The following SMYD5 variants were observed in gnomAD, a reference collection of about 807,000 sequenced individuals.
SMYD5 encodes SMYD family member 5.
A neutral mutation model predicts 57.4 loss-of-function variants in SMYD5; 35 were observed. The ratio of observed to expected loss-of-function variants is 0.61; its 90% CI spans 0.47 to 0.81. The LOEUF is 0.81. SMYD5 is among the 30% of genes least tolerant of loss of function. The pLI is 0.00. For missense variants in SMYD5, 471 were observed against 527.9 expected (o/e 0.89, Z 1.06); for synonymous variants, 198 against 189.7 (o/e 1.04, Z -0.36).
At chr2:73,223,635 G>T in intron 9 of SMYD5, 103 bp downstream of exon 9, 1 of 834,358 alleles carries the variant, frequency 1.2e-6, no homozygotes, top group South Asian at 1.5e-5. Flanking sequence ...AATGGTGGGG[G>T]AAGGTAATCC....
At chr2:73,218,381 G>A (rs1686326959) in intron 1 of SMYD5, among the ~76,000 whole-genome samples, 1 of 152,178 alleles carries the variant, frequency 6.6e-6, no homozygotes, top group Non-Finnish European at 1.5e-5. Context: ...CAAGGAAGAA[G>A]GCACATTCTC....
intron 1 of SMYD5, chr2:73,214,713 AG>A (rs761202076): frequency 7.3e-7 from 1 of 1,361,662 alleles, no homozygotes; most frequent in South Asian, 1.2e-5. Flanking sequence ...GAGGTGTAAA[AG>A]AGGGAGTCCT....
At chr2:73,215,917 G>T (rs1251740089) in intron 1 of SMYD5, among the ~76,000 whole-genome samples, 1 of 150,578 alleles carries the variant, frequency 6.6e-6, no homozygotes, top group Non-Finnish European at 1.5e-5. Context: ...CCACATGAGG[G>T]TTATACTTGT....
chr2:73,225,707 A>G lies in SMYD5; in HGVS notation c.1106+6A>G, dbSNP rs762551397. The G allele has an allele frequency of 2.5e-6, 4 of 1,614,260 alleles. No individual in the cohort carries two copies. The Middle Eastern group carries it at 4.9e-4, about 200-fold the overall frequency. The stretch of plus-strand genomic sequence containing the variant: ...AGCCGCCACAAGATCCTCAGGTGCC[A>G]GCTGGGGACATGGTTGTGCAGCTGG... On this transcript the variant is annotated splice_donor_region_variant and intron_variant, in intron 12 of 12. Coordinates refer to ENST00000389501, the MANE Select transcript of SMYD5 (RefSeq NM_006062.3).
chr2:73,214,604 C>A, intron 1 of SMYD5: 1 of 1,507,608 alleles, frequency 6.6e-7, no homozygotes, highest in East Asian at 2.5e-5. Context: ...TTCGGCCAGC[C>A]CGCGGGAGGC....
chr2:73,221,874 A>G lies in SMYD5; in HGVS notation c.586A>G (p.Lys196Glu). ...WIRLFSQFCNKTANEEEEIVH... is the reference protein window; with the variant it reads ...WIRLFSQFCNETANEEEEIVH... ...CAGACTCTTTTCCCAGTTTTGTAAC[A>G]AAACAGCCAATGAAGAGGAGGAAAT... The change falls in exon 6 of 13, where the codon AAA (lysine) becomes GAA (glutamate). Residue 196 changes from lysine (K) to glutamate (E), a missense_variant. Lys to Glu is a moderately conservative substitution (Grantham distance 56, BLOSUM62 1). Transcript: ENST00000389501. The G allele has an allele frequency of 6.2e-7, 1 of 1,614,094 alleles. No individual in the cohort carries two copies. Among genetic ancestry groups the G allele is most frequent in the Non-Finnish European group, 8.5e-7 (1 of 1,179,916 alleles).
chr2:73,214,323 G>A lies in SMYD5; in HGVS notation c.57G>A (p.Ala19=). Reference sequence around the variant, plus strand: ...TCTGCGTGGGCGTGGCGGGCCGCGCGCGGGTCTCCGTGGAAGTCCGTTTCG... The same window carrying A: ...TCTGCGTGGGCGTGGCGGGCCGCGCACGGGTCTCCGTGGAAGTCCGTTTCG... ...FSFCVGVAGR[A]RVSVEVRFVS... is the part of the protein sequence containing the mutation. The change falls in exon 1 of 13, where the codon GCG becomes GCA. Residue 19 remains alanine (A), a synonymous_variant. Transcript: ENST00000389501. The A allele has an allele frequency of 6.2e-7, 1 of 1,613,492 alleles. No homozygotes were observed.
chr2:73,224,081 T>G (rs1314123161), intron 10 of SMYD5, 78 bp downstream of exon 10: 3 of 1,367,940 alleles, frequency 2.2e-6, no homozygotes, highest in Non-Finnish European at 3.1e-6. Flanking sequence ...CAGTTTATCT[T>G]TCTCAGTTGG....
At chr2:73,221,285 C>A in intron 5 of SMYD5, 51 bp downstream of exon 5, 1 of 1,480,954 alleles carries the variant, frequency 6.8e-7, no homozygotes, top group South Asian at 1.1e-5. Context: ...CCATTCAACC[C>A]TTGGTCTCAG....
chr2:73,225,857 G>A lies in SMYD5; in HGVS notation c.1168G>A (p.Val390Met). 1.2e-6 allele frequency: 2 copies of A among 1,614,216 alleles called. No homozygotes were observed. The highest frequency in any genetic ancestry group is 1.1e-5 in the South Asian group (1 of 91,084). Residue 390 changes from valine to methionine, a missense_variant, in exon 13 of 13, where the codon GTG becomes ATG. Transcript: ENST00000389501. ...CCTGGCAGAGGCTGATGAACCCAAT[G>A]TGACCTCAGAAGAGGAAGAGGAAGA... ...KCLAEADEPN[V>M]TSEEEEEEEE...
Position 73,224,870 on chromosome 2 carries a change from C to T in SMYD5, c.945C>T (p.Asn315=), listed in dbSNP as rs1193763036. The change falls in exon 11 of 13, where the codon AAC becomes AAT. Residue 315 remains asparagine (N), a synonymous_variant. Transcript: ENST00000389501. ...TACCTGCCTCTTATGATCCAGGCAA[C>T]CACAGTTGTGTGCCCAATGCAGAGA... ...SGLFVLQSCC[N]HSCVPNAETS... 5.6e-6 allele frequency: 9 copies of T among 1,612,766 alleles called. No individual in the cohort carries two copies. Among genetic ancestry groups the T allele is most frequent in the South Asian group, 1.1e-5 (1 of 90,972 alleles).
chr2:73,223,481 C>G lies in SMYD5; in HGVS notation c.832C>G (p.Arg278Gly). ...CACTCTGGAGTTGAAGCCTCAGGAC[C>G]GTGAGCAGCTTGACGCCTTCATTGA... ...CDTLELKPQD[R>G]EQLDAFIDQL... The change falls in exon 9 of 13, where the codon CGT becomes GGT. Residue 278 changes from arginine to glycine, a missense_variant. By Grantham distance (125) the Arg-to-Gly change is moderately radical. Transcript: ENST00000389501. 2.5e-6 allele frequency: 4 copies of G among 1,614,150 alleles called. No homozygotes were observed. The highest frequency in any genetic ancestry group is 3.4e-6 in the Non-Finnish European group (4 of 1,179,998).
chr2:73,218,573 G>C (rs753327532), intron 1 of SMYD5, among the ~76,000 whole-genome samples: 16 of 152,246 alleles, frequency 1.1e-4, no homozygotes, highest in Non-Finnish European at 1.8e-4. Context: ...TGGCCATACT[G>C]AGAAAAATTC....
chr2:73,220,050 GCCTGT>G lies in SMYD5; in HGVS notation c.206_210del (p.Ala69GlyfsTer5), dbSNP rs1449794905. ...TTGTTGTGTCTGGCTCTCACCGTCA[GCCTGT>G]GACCACTGCCTTAGGGCACTAGAGA... On this transcript the variant is annotated frameshift_variant and splice_region_variant, in exon 3 of 13. Transcript: ENST00000389501. LOFTEE classifies it high-confidence loss of function. 1 of 1,614,216 alleles carries G rather than the reference GCCTGT, an allele frequency of 6.2e-7. No homozygotes were observed. Among genetic ancestry groups the G allele is most frequent in the South Asian group, 1.1e-5 (1 of 91,086 alleles).
chr2:73,214,846 G>A lies in SMYD5; in HGVS notation c.96+484G>A, dbSNP rs542999588. ...TCCAAAGGCCGTGGGGGCATTGGGAGAGTTTTTAGCAGGAAGGTGACGTGA... is the reference window on the plus strand; with the variant it reads ...TCCAAAGGCCGTGGGGGCATTGGGAAAGTTTTTAGCAGGAAGGTGACGTGA... On this transcript the variant is annotated intron_variant, in intron 1 of 12. Coordinates refer to ENST00000389501, the MANE Select transcript of SMYD5 (RefSeq NM_006062.3). 2.8e-5 allele frequency: 36 copies of A among 1,292,564 alleles called. No homozygotes were observed. The South Asian group carries it at 3.9e-4, about 14-fold the overall frequency. The allele number at this position is 1,292,564 out of a possible 1,614,324, so 80.1% of individuals were successfully genotyped here.
At chr2:73,220,543 T>C (rs1686365642) in intron 3 of SMYD5, 118 bp from the exon 4 acceptor site, 1 of 1,239,618 alleles carries the variant, frequency 8.1e-7, no homozygotes, top group Non-Finnish European at 1.1e-6. Flanking sequence ...ACCCTATGTT[T>C]TCTCTTCTCA....
At chr2:73,214,975 A>G (rs1010861870) in intron 1 of SMYD5, 1 of 295,930 alleles carries the variant, frequency 3.4e-6, no homozygotes, top group Non-Finnish European at 5.0e-6. Flanking sequence ...ATACTTGTGC[A>G]AAGATGAGTA....
chr2:73,219,916 C>A, intron 2 of SMYD5, 135 bp from the exon 3 acceptor site: 1 of 1,025,420 alleles, frequency 9.8e-7, no homozygotes, highest in Non-Finnish European at 1.6e-6. Flanking sequence ...TGTAATTATT[C>A]ATTTACTCAC....
chr2:73,221,141 C>A (rs765407119), intron 4 of SMYD5, 24 bp from the exon 5 acceptor site: 1 of 1,607,254 alleles, frequency 6.2e-7, no homozygotes, highest in Non-Finnish European at 8.5e-7. Flanking sequence ...AATTTCTAGG[C>A]CAATCTTTTT....
Sources: allele counts gnomAD v4.1 joint callset (sites outside exome capture counted in the v4.1 genomes callset), GRCh38; gene constraint gnomAD v4.1.1; transcripts MANE v1.5; gene names NCBI Gene and HGNC (gene_info 2026-07-23, HGNC 2026-07-21).